Variants in ACSM3 observed in about 807,000 individuals in gnomAD.
ACSM3 encodes the protein acyl-CoA synthetase medium chain family member 3.
In ACSM3, 61 loss-of-function variants were observed where a neutral mutation model predicts 74.1. That is an observed-to-expected ratio of 0.82 (90% CI 0.67 to 1.02). The LOEUF (loss-of-function observed/expected upper bound fraction) is 1.02, where lower values mean the gene tolerates loss of function less well. Ranked by LOEUF, ACSM3 falls within the 50% of genes least tolerant of loss-of-function variation. The probability of loss-of-function intolerance (pLI) is 0.00; values close to 1 mark genes in which losing one functional copy is unlikely to be tolerated. For synonymous variants in ACSM3, 213 were observed against 241.5 expected (o/e 0.88, Z 1.09); for missense variants, 660 against 697.0 (o/e 0.95, Z 0.60).
chr16:20,793,730 A>G (rs1029366639), intron 12 of ACSM3, among the ~76,000 whole-genome samples: 1 of 152,220 alleles, frequency 6.6e-6, no homozygotes, highest in Non-Finnish European at 1.5e-5. Context: ...GGGCAGGGAA[A>G]ACAGTCAGTG....
chr16:20,737,640 G>T, intron 1 of ACSM3: 1 of 1,495,854 alleles, frequency 6.7e-7, no homozygotes, highest in Non-Finnish European at 8.9e-7. Flanking sequence ...TCTTTAAAAA[G>T]AAAAAAATCC....
At chr16:20,727,408 A>G (rs1387191058) in intron 1 of ACSM3, 1 of 557,192 alleles carries the variant, frequency 1.8e-6, no homozygotes, top group East Asian at 5.4e-5. Context: ...GAGGTGCTGG[A>G]GCAGTGGAGG....
intron 1 of ACSM3, chr16:20,681,316 T>C (rs529942668): frequency 1.3e-5 from 2 of 152,346 alleles, no homozygotes; most frequent in African/African-American, 4.8e-5. Context: ...GAAAATTTAA[T>C]TTAACCAACT....
At chr16:20,731,562 T>C (rs751235370) in intron 1 of ACSM3, 3 of 248,244 alleles carry the variant, frequency 1.2e-5, no homozygotes, top group Non-Finnish European at 2.3e-5. Context: ...ATGTTCAGCA[T>C]TGGTTGCAGA....
At chr16:20,701,468 G>A (rs1410294639) in intron 1 of ACSM3, among the ~76,000 whole-genome samples, 1 of 152,154 alleles carries the variant, frequency 6.6e-6, no homozygotes, top group African/African-American at 2.4e-5. Context: ...TTTTCAAAGG[G>A]TGGCTGTTAC....
chr16:20,740,027 T>C (rs886958752), intron 1 of ACSM3, among the ~76,000 whole-genome samples: 4 of 152,188 alleles, frequency 2.6e-5, no homozygotes, highest in Non-Finnish European at 5.9e-5. Flanking sequence ...TTGGTGAGAT[T>C]AGACCAAATA....
Position 20,691,751 on chromosome 16 carries a change from A to ATGTGTGTGTGTGTG in ACSM3, c.-190+16971_-190+16984dup, listed in dbSNP as rs59929923. On this transcript the variant is annotated intron_variant, in intron 1 of 3. Coordinates refer to the ACSM3 transcript ENST00000561584. Reference sequence around the variant, plus strand: ...CTGGGCCAATCATAATACCTCTCCAATGTGTGTGTGTGTGTGTGTGTGTGT... The same window carrying ATGTGTGTGTGTGTG: ...CTGGGCCAATCATAATACCTCTCCAATGTGTGTGTGTGTGTGTGTGTGTGTGTGTGTGTGTGTGT... Among the ~76,000 whole-genome samples, 12 of 134,106 alleles carry ATGTGTGTGTGTGTG rather than the reference A, an allele frequency of 8.9e-5. No homozygotes were observed. In the South Asian group the frequency reaches 9.9e-4, roughly 11 times the overall value. 88.0% of individuals were successfully genotyped at this position (134,106 alleles called of 152,430 possible).
chr16:20,692,801 C>A (rs1245734240), intron 1 of ACSM3, among the ~76,000 whole-genome samples: 1 of 152,080 alleles, frequency 6.6e-6, no homozygotes, highest in Non-Finnish European at 1.5e-5. Flanking sequence ...TTAAATAAAA[C>A]CCATCTGATG....
At chr16:20,715,107 T>G (rs1018340339) in intron 1 of ACSM3, among the ~76,000 whole-genome samples, 3 of 152,156 alleles carry the variant, frequency 2.0e-5, no homozygotes, top group African/African-American at 7.2e-5. Flanking sequence ...GAGAAGTATT[T>G]AAATATGAGG....
chr16:20,731,287 GTA>G (rs756722392), intron 1 of ACSM3, among the ~76,000 whole-genome samples: 2 of 152,172 alleles, frequency 1.3e-5, no homozygotes, highest in Non-Finnish European at 2.9e-5. Context: ...GCTTCTAGTG[GTA>G]TAGATTCGAA....
chr16:20,748,691 G>A (rs1046184495), intron 1 of ACSM3, among the ~76,000 whole-genome samples: 1 of 152,136 alleles, frequency 6.6e-6, no homozygotes, highest in Non-Finnish European at 1.5e-5. Flanking sequence ...GCTTTGATGT[G>A]TTTCCAGCCA....
chr16:20,723,677 G>C (rs1380172486), intron 1 of ACSM3, among the ~76,000 whole-genome samples: 4 of 152,194 alleles, frequency 2.6e-5, no homozygotes, highest in Admixed American at 6.5e-5. Context: ...CTGCATAAAT[G>C]TCTTCTTTTG....
At chr16:20,767,188 G>C (rs886328516) in intron 1 of ACSM3, among the ~76,000 whole-genome samples, 4 of 152,144 alleles carry the variant, frequency 2.6e-5, no homozygotes, top group African/African-American at 9.7e-5. Context: ...TAAGAGGAGA[G>C]CAGCCAAAAG....
intron 8 of ACSM3, 64 bp from the exon 9 acceptor site, chr16:20,786,014 A>G (rs1474395914): frequency 2.6e-6 from 3 of 1,146,246 alleles, no homozygotes; most frequent in Non-Finnish European, 3.7e-6. Context: ...GAATGAATGC[A>G]TGATAGATGA....
At chr16:20,706,668 T>A (rs1259407118) in intron 1 of ACSM3, among the ~76,000 whole-genome samples, 3 of 152,104 alleles carry the variant, frequency 2.0e-5, no homozygotes, top group Non-Finnish European at 4.4e-5. Flanking sequence ...AAAGCCCTAT[T>A]TGGACTTGAT....
At chr16:20,711,072 T>A (rs2079742446) in intron 1 of ACSM3, among the ~76,000 whole-genome samples, 1 of 151,508 alleles carries the variant, frequency 6.6e-6, no homozygotes, top group African/African-American at 2.4e-5. Context: ...GGTGACAGAC[T>A]AAGACTCCCA....
intron 1 of ACSM3, among the ~76,000 whole-genome samples, chr16:20,723,601 T>C (rs2079793917): frequency 6.6e-6 from 1 of 152,154 alleles, no homozygotes. Context: ...TGGTATCTCA[T>C]TGTGGTTTTG....
intron 1 of ACSM3, chr16:20,741,529 C>G (rs1051490067): frequency 7.6e-7 from 1 of 1,307,658 alleles, no homozygotes; most frequent in Admixed American, 2.4e-5. Flanking sequence ...CCATACATGT[C>G]GTCGCCGTAT....
rs1391082395 is a variant in ACSM3, at chr16:20,775,871, G to A, written c.252G>A (p.Trp84Ter). Residue 84 changes from tryptophan (W) to a stop codon, truncating the protein, a stop_gained, in exon 3 of 14, where the codon TGG becomes TGA. Transcript: ENST00000289416. LOFTEE classifies it high-confidence loss of function. The stretch of plus-strand genomic sequence containing the variant: ...AGAAACCTTCAAATCCAGCCTTCTG[G>A]TGGATCAACAGAAATGGAGAAGAGA... ...AGKKPSNPAFWWINRNGEEMR... is the reference protein window; with the variant it reads ...AGKKPSNPAF 1.2e-6 allele frequency: 2 copies of A among 1,613,990 alleles called. No homozygotes were observed. Among genetic ancestry groups the A allele is most frequent in the Non-Finnish European group, 1.7e-6 (2 of 1,180,034 alleles).
Sources: gnomAD v4.1 joint callset for allele counts (sites outside exome capture counted in the v4.1 genomes callset) on GRCh38, gnomAD v4.1.1 for gene constraint, MANE v1.5 for transcripts, NCBI Gene and HGNC (gene_info 2026-07-23, HGNC 2026-07-21) for gene names.